Variants in CHST8 observed in about 807,000 individuals in gnomAD.
CHST8 encodes the protein carbohydrate sulfotransferase 8.
Under a neutral mutation model 15.0 loss-of-function variants are expected in CHST8, and 10 were observed. The observed-to-expected ratio is 0.67, with a 90% CI of 0.41 to 1.13. CHST8 has a LOEUF of 1.13. Ranked by LOEUF, CHST8 falls within the 50% of genes most tolerant of loss-of-function variation. CHST8 has a pLI of 0.00. For missense variants in CHST8, 634 were observed against 608.2 expected, an observed-to-expected ratio of 1.04 and a Z score of -0.45; for synonymous variants, 259 against 256.6, an observed-to-expected ratio of 1.01 and a Z score of -0.09.
intron 3 of CHST8, among the ~76,000 whole-genome samples, chr19:33,768,382 C>G (rs1247967689): frequency 6.6e-6 from 1 of 152,108 alleles, no homozygotes; most frequent in East Asian, 1.9e-4. Flanking sequence ...TGAGACCAGC[C>G]TGGACAACAT....
intron 3 of CHST8, among the ~76,000 whole-genome samples, chr19:33,714,021 CT>C (rs1973611558): frequency 6.6e-6 from 1 of 152,122 alleles, no homozygotes; most frequent in South Asian, 2.1e-4. Flanking sequence ...AGTTCTCAAC[CT>C]TGACTGCTTG....
intron 3 of CHST8, among the ~76,000 whole-genome samples, chr19:33,715,609 C>A (rs1185817762): frequency 2.0e-5 from 3 of 152,160 alleles, no homozygotes; most frequent in Non-Finnish European, 4.4e-5. Context: ...GGTGACAGAA[C>A]CCCTGGAGGT....
At chr19:33,667,205 G>C (rs1011799998) in intron 1 of CHST8, among the ~76,000 whole-genome samples, 1 of 152,134 alleles carries the variant, frequency 6.6e-6, no homozygotes, top group Non-Finnish European at 1.5e-5. Flanking sequence ...GGCCAACAGT[G>C]GTCAGCCACA....
chr19:33,711,311 G>A lies in CHST8; in HGVS notation c.130+21920G>A, dbSNP rs139740433. Among the ~76,000 whole-genome samples, 104 of 152,294 alleles carry A rather than the reference G, an allele frequency of 6.8e-4. No individual in the cohort carries two copies. In the Middle Eastern group the frequency reaches 0.01, roughly 15 times the overall value. Reference sequence around the variant, plus strand: ...GGTCTTGATATCTACACAGACAGGAGATGAGGTCTCTGACTCAACCACAGT... The same window carrying A: ...GGTCTTGATATCTACACAGACAGGAAATGAGGTCTCTGACTCAACCACAGT... On this transcript the variant is annotated intron_variant, in intron 3 of 4. Coordinates refer to ENST00000650847, the MANE Select transcript of CHST8 (RefSeq NM_001127895.2).
chr19:33,672,208 T>G (rs1207486401), intron 2 of CHST8, among the ~76,000 whole-genome samples: 1 of 152,124 alleles, frequency 6.6e-6, no homozygotes, highest in Non-Finnish European at 1.5e-5. Context: ...TGTGTGTGTG[T>G]GTGGTGGGGT....
chr19:33,674,673 G>A (rs930392038), intron 2 of CHST8, among the ~76,000 whole-genome samples: 2 of 152,204 alleles, frequency 1.3e-5, no homozygotes, highest in Non-Finnish European at 2.9e-5. Flanking sequence ...GGGAGGCACA[G>A]ATGGCAGATG....
chr19:33,661,497 G>A (rs141232693), intron 1 of CHST8, among the ~76,000 whole-genome samples: 201 of 152,326 alleles, frequency 1.3e-3, no homozygotes, highest in African/African-American at 4.6e-3. Flanking sequence ...CACTCACGGA[G>A]CCCCTCTGTC....
At chr19:33,652,113 A>G (rs1972456326) in intron 1 of CHST8, among the ~76,000 whole-genome samples, 1 of 152,156 alleles carries the variant, frequency 6.6e-6, no homozygotes, top group Non-Finnish European at 1.5e-5. Flanking sequence ...GTTCAAGATG[A>G]TTATGCCTTC....
intron 3 of CHST8, among the ~76,000 whole-genome samples, chr19:33,769,344 G>A (rs923545239): frequency 6.6e-6 from 1 of 152,188 alleles, no homozygotes; most frequent in South Asian, 2.1e-4. Context: ...TATAAGCACC[G>A]TCACACCTTG....
intron 3 of CHST8, among the ~76,000 whole-genome samples, chr19:33,743,263 T>G (rs1309333184): frequency 6.6e-6 from 1 of 152,032 alleles, no homozygotes; most frequent in Non-Finnish European, 1.5e-5. Context: ...GGGAGCCTTT[T>G]GATCTCTTCC....
intron 3 of CHST8, among the ~76,000 whole-genome samples, chr19:33,701,963 TG>T (rs1158385403): frequency 2.6e-5 from 4 of 152,152 alleles, no homozygotes; most frequent in African/African-American, 9.7e-5. Flanking sequence ...TATTAGTTAA[TG>T]TCATGGTCTA....
intron 3 of CHST8, among the ~76,000 whole-genome samples, chr19:33,763,244 A>C (rs533787885): frequency 2.2e-4 from 34 of 152,344 alleles, no homozygotes; most frequent in African/African-American, 8.2e-4. Flanking sequence ...CGTGGTCCAC[A>C]GAGGGAGGGA....
chr19:33,732,571 C>T (rs1403543406), intron 3 of CHST8, among the ~76,000 whole-genome samples: 2 of 151,968 alleles, frequency 1.3e-5, no homozygotes, highest in Admixed American at 1.3e-4. Context: ...CAGGCAAGTA[C>T]TATACTTAAA....
intron 2 of CHST8, among the ~76,000 whole-genome samples, chr19:33,669,521 G>C (rs930273602): frequency 2.0e-5 from 3 of 152,158 alleles, no homozygotes; most frequent in African/African-American, 4.8e-5. Context: ...TTCCTGCAAA[G>C]CTCCATTCTC....
intron 2 of CHST8, among the ~76,000 whole-genome samples, chr19:33,687,484 C>T (rs192959019): frequency 6.4e-4 from 98 of 152,258 alleles, no homozygotes; most frequent in Admixed American, 1.2e-3. Context: ...CCTGACACCC[C>T]GGAGCCAGCT....
intron 1 of CHST8, among the ~76,000 whole-genome samples, chr19:33,645,077 C>T (rs1972333840): frequency 6.6e-6 from 1 of 152,132 alleles, no homozygotes; most frequent in Non-Finnish European, 1.5e-5. Context: ...ATAGGACAGC[C>T]CCCATGACAG....
intron 3 of CHST8, among the ~76,000 whole-genome samples, chr19:33,764,923 T>C (rs958275875): frequency 6.6e-5 from 10 of 152,004 alleles, no homozygotes; most frequent in Non-Finnish European, 1.5e-4. Flanking sequence ...CTCCCACTTA[T>C]GAATGAGAAC....
chr19:33,729,617 T>C (rs983151113), intron 3 of CHST8, among the ~76,000 whole-genome samples: 8 of 152,154 alleles, frequency 5.3e-5, no homozygotes, highest in African/African-American at 1.9e-4. Flanking sequence ...GGTGCTTTCA[T>C]AGGGAAATTG....
At chr19:33,709,606 G>C (rs1973511701) in intron 3 of CHST8, among the ~76,000 whole-genome samples, 1 of 150,768 alleles carries the variant, frequency 6.6e-6, no homozygotes, top group Non-Finnish European at 1.5e-5. Context: ...AATTAAGTTT[G>C]CTCAAATTTT....
Sources: gnomAD v4.1 joint callset for allele counts (sites outside exome capture counted in the v4.1 genomes callset) on GRCh38, gnomAD v4.1.1 for gene constraint, MANE v1.5 for transcripts, NCBI Gene and HGNC (gene_info 2026-07-23, HGNC 2026-07-21) for gene names.